The following MACROD2 variants were observed in gnomAD, a reference collection of about 807,000 sequenced individuals.
MACROD2 encodes mono-ADP ribosylhydrolase 2.
Under a neutral mutation model 70.4 loss-of-function variants are expected in MACROD2, and 36 were observed. That is an observed-to-expected ratio of 0.51 (90% CI 0.39 to 0.68). The LOEUF (loss-of-function observed/expected upper bound fraction) is 0.68, where lower values mean the gene tolerates loss of function less well. MACROD2 is among the 30% of genes least tolerant of loss of function. The pLI is 0.00. For synonymous variants in MACROD2, 172 were observed against 178.8 expected (o/e 0.96, Z 0.30); for missense variants, 496 against 538.4 (o/e 0.92, Z 0.78).
At chr20:15,808,218 G>T (rs1431382243) in intron 8 of MACROD2, among the ~76,000 whole-genome samples, 1 of 152,158 alleles carries the variant, frequency 6.6e-6, no homozygotes, top group East Asian at 1.9e-4. Flanking sequence ...CTTTAACTCG[G>T]TGTCTGAGGG....
intron 6 of MACROD2, among the ~76,000 whole-genome samples, chr20:15,234,012 CTTTTTTTTTTTTTTTTTTTTTTTTT>C (rs1177498607): frequency 6.9e-5 from 2 of 29,192 alleles, no homozygotes; most frequent in South Asian, 1.7e-3. Context: ...TATATATATT[CTTTTTTTTTTTTTTTTTTTTTTTTT>C]TTTTTTTTTT....
At chr20:15,646,975 G>GA (rs1202643125) in intron 8 of MACROD2, among the ~76,000 whole-genome samples, 1 of 152,218 alleles carries the variant, frequency 6.6e-6, no homozygotes, top group African/African-American at 2.4e-5. Flanking sequence ...TTTGGCTCCA[G>GA]AATCCATACT....
At chr20:14,835,726 C>T (rs147274004) in intron 5 of MACROD2, among the ~76,000 whole-genome samples, 1 of 152,152 alleles carries the variant, frequency 6.6e-6, no homozygotes, top group Non-Finnish European at 1.5e-5. Context: ...TTGCACCATT[C>T]TCTTAGAAAC....
At chr20:15,996,294 T>C (rs528450123) in intron 15 of MACROD2, among the ~76,000 whole-genome samples, 2 of 152,278 alleles carry the variant, frequency 1.3e-5, no homozygotes, top group African/African-American at 2.4e-5. Flanking sequence ...CTATTGCCCA[T>C]TTATAAGTCT....
intron 5 of MACROD2, among the ~76,000 whole-genome samples, chr20:14,872,468 G>T (rs1809320553): frequency 6.6e-6 from 1 of 152,132 alleles, no homozygotes; most frequent in Admixed American, 6.5e-5. Flanking sequence ...GTCTGACAGG[G>T]ATCCAGGTTG....
At chr20:14,537,904 C>T (rs554083346) in intron 4 of MACROD2, among the ~76,000 whole-genome samples, 3 of 152,280 alleles carry the variant, frequency 2.0e-5, no homozygotes, top group Non-Finnish European at 2.9e-5. Flanking sequence ...CTCAGAAATC[C>T]GATGCAGCTC....
intron 8 of MACROD2, among the ~76,000 whole-genome samples, chr20:15,506,584 GA>G (rs962422602): frequency 5.9e-5 from 9 of 151,862 alleles, no homozygotes; most frequent in Admixed American, 5.2e-4. Context: ...ATGGATCACC[GA>G]AAAAAAACCC....
intron 7 of MACROD2, among the ~76,000 whole-genome samples, chr20:15,455,247 T>A (rs1321367004): frequency 1.3e-5 from 2 of 152,198 alleles, no homozygotes; most frequent in African/African-American, 2.4e-5. Flanking sequence ...ACACTCAGCA[T>A]TCCTTTTTAA....
chr20:15,251,750 A>G (rs1555797299), intron 6 of MACROD2, among the ~76,000 whole-genome samples: 1 of 152,128 alleles, frequency 6.6e-6, no homozygotes, highest in Non-Finnish European at 1.5e-5. Flanking sequence ...TATTTTTTCA[A>G]TTTTAAGGGA....
chr20:14,852,862 AT>A (rs1186955924), intron 5 of MACROD2, among the ~76,000 whole-genome samples: 1 of 152,188 alleles, frequency 6.6e-6, no homozygotes, highest in East Asian at 1.9e-4. Context: ...CAACAAACTT[AT>A]CCCTAGGTAC....
chr20:15,046,804 T>A (rs1329438872), intron 5 of MACROD2, among the ~76,000 whole-genome samples: 1 of 152,210 alleles, frequency 6.6e-6, no homozygotes, highest in East Asian at 1.9e-4. Context: ...GGTTATAAAT[T>A]ACTCAGTTGT....
chr20:14,924,471 AAAAG>A (rs1037749528), intron 5 of MACROD2, among the ~76,000 whole-genome samples: 18 of 152,252 alleles, frequency 1.2e-4, no homozygotes, highest in African/African-American at 3.4e-4. Context: ...AAAATAAAAA[AAAAG>A]AAAGAAAGTA....
intron 7 of MACROD2, among the ~76,000 whole-genome samples, chr20:15,436,804 ACAACTCC>A (rs1268550683): frequency 1.3e-5 from 2 of 152,200 alleles, no homozygotes; most frequent in African/African-American, 2.4e-5. Flanking sequence ...CAAAGCAAAC[ACAACTCC>A]CAACATTTTT....
chr20:14,378,308 C>G (rs2083391884), intron 3 of MACROD2, among the ~76,000 whole-genome samples: 1 of 152,202 alleles, frequency 6.6e-6, no homozygotes, highest in Non-Finnish European at 1.5e-5. Flanking sequence ...GCAAGGGGTA[C>G]TGGCTGTCAT....
chr20:14,638,879 G>A (rs577323199), intron 4 of MACROD2, among the ~76,000 whole-genome samples: 7 of 151,988 alleles, frequency 4.6e-5, no homozygotes, highest in Admixed American at 4.6e-4. Context: ...GAACCCAAGA[G>A]GTGGAGGTTG....
At chr20:15,686,395 G>T (rs767224209) in intron 8 of MACROD2, among the ~76,000 whole-genome samples, 28 of 152,014 alleles carry the variant, frequency 1.8e-4, no homozygotes, top group Admixed American at 7.2e-4. Context: ...GAAAACAGGG[G>T]CTACTTGGGG....
chr20:15,256,108 G>A (rs1601309360), intron 6 of MACROD2, among the ~76,000 whole-genome samples: 1 of 152,116 alleles, frequency 6.6e-6, no homozygotes, highest in South Asian at 2.1e-4. Flanking sequence ...TTTCTGCACT[G>A]GGAATCTTGA....
chr20:14,446,746 C>G (rs937117451), intron 3 of MACROD2, among the ~76,000 whole-genome samples: 31 of 151,984 alleles, frequency 2.0e-4, no homozygotes. Context: ...AGTTCCAACT[C>G]TCCTAATTGA....
chr20:15,436,041 G>A (rs1219698068), intron 7 of MACROD2, among the ~76,000 whole-genome samples: 1 of 152,020 alleles, frequency 6.6e-6, no homozygotes, highest in Non-Finnish European at 1.5e-5. Context: ...ATTGCTTTTG[G>A]TTAGTCCCCC....
Sources: gnomAD v4.1 joint callset for allele counts (sites outside exome capture counted in the v4.1 genomes callset) on GRCh38, gnomAD v4.1.1 for gene constraint, MANE v1.5 for transcripts, NCBI Gene and HGNC (gene_info 2026-07-23, HGNC 2026-07-21) for gene names.